The following NELL2 variants were observed in gnomAD, a reference collection of about 807,000 sequenced individuals.
The protein encoded by NELL2 is neural EGFL like 2, also known as protein kinase C-binding protein NELL2.
Under a neutral mutation model 109.6 loss-of-function variants are expected in NELL2, and 41 were observed. The observed-to-expected ratio is 0.37, with a 90% CI of 0.29 to 0.49. The LOEUF (loss-of-function observed/expected upper bound fraction) is 0.49. NELL2 is among the 20% of genes least tolerant of loss of function. The probability of loss-of-function intolerance (pLI) is 0.98; values close to 1 mark genes in which losing one functional copy is unlikely to be tolerated. For missense variants in NELL2, 900 were observed against 1,008.3 expected (o/e 0.89, Z 1.45); for synonymous variants, 355 against 344.7 (o/e 1.03, Z -0.33).
chr12:44,779,874 A>C lies in NELL2; in HGVS notation c.484T>G (p.Leu162Val). 1.9e-6 allele frequency: 3 copies of C among 1,613,906 alleles called. No homozygotes were observed. Among genetic ancestry groups the C allele is most frequent in the Non-Finnish European group, 2.5e-6 (3 of 1,179,808 alleles). ...KLSLAISASH[L>V]ILHIDCNKIY... ...TTATTGCAGTCAATGTGTAAAATCA[A>C]ATGGGAAGCACTGATGGCTAAGGAG... The change falls in exon 4 of 20, where the codon TTG (leucine) becomes GTG (valine). Residue 162 changes from leucine (L) to valine (V), a missense_variant. Around this residue, in one of 4 missense-constraint regions of NELL2, gnomAD observed 200 missense variants for 191.8 expected, o/e 1.04. Coordinates refer to ENST00000429094, the MANE Select transcript of NELL2 (RefSeq NM_001145108.2).
chr12:44,824,832 T>C (rs1943657977), intron 2 of NELL2, among the ~76,000 whole-genome samples: 1 of 150,984 alleles, frequency 6.6e-6, no homozygotes, highest in African/African-American at 2.4e-5. Context: ...TGCCTCAGCC[T>C]CCCAAGTAGC....
At chr12:44,635,150 T>G (rs1486090686) in intron 13 of NELL2, among the ~76,000 whole-genome samples, 1 of 152,162 alleles carries the variant, frequency 6.6e-6, no homozygotes, top group African/African-American at 2.4e-5. Flanking sequence ...TCTTGAAAAT[T>G]TGTTTAAGTT....
rs1278628957 is a variant in NELL2, at chr12:44,531,973, G to T, written c.1804+608C>A. Reference sequence around the variant, plus strand: ...ATAGAGGCTACAGAGGAGCAGATTTGTCAGTCTGTTGAAAATAATTCAAAA... The same window carrying T: ...ATAGAGGCTACAGAGGAGCAGATTTTTCAGTCTGTTGAAAATAATTCAAAA... On this transcript the variant is annotated intron_variant, in intron 16 of 19. Coordinates refer to ENST00000429094, the MANE Select transcript of NELL2 (RefSeq NM_001145108.2). 3.3e-5 allele frequency among the ~76,000 whole-genome samples: 5 copies of T among 152,146 alleles called. No individual in the cohort carries two copies. In the East Asian group the frequency reaches 7.7e-4, roughly 23 times the overall value.
intron 3 of NELL2, among the ~76,000 whole-genome samples, chr12:44,808,825 C>G (rs1262551021): frequency 6.6e-6 from 1 of 151,906 alleles, no homozygotes; most frequent in East Asian, 1.9e-4. Flanking sequence ...TACATAAATA[C>G]ATTTTTACTC....
chr12:44,836,341 G>C (rs898076131), intron 2 of NELL2, among the ~76,000 whole-genome samples: 1 of 152,172 alleles, frequency 6.6e-6, no homozygotes, highest in African/African-American at 2.4e-5. Context: ...ACTGGGAATT[G>C]TTGGCACACA....
upstream of NELL2, among the ~76,000 whole-genome samples, chr12:44,915,470 C>T (rs1945821990): frequency 2.0e-5 from 3 of 152,220 alleles, no homozygotes; most frequent in South Asian, 6.2e-4. Flanking sequence ...AGATCTTAGA[C>T]AACCATGAAA....
At chr12:44,680,926 C>T (rs1948475056) in intron 12 of NELL2, among the ~76,000 whole-genome samples, 1 of 151,980 alleles carries the variant, frequency 6.6e-6, no homozygotes, top group Admixed American at 6.6e-5. Context: ...ATTGTTTTTC[C>T]CACAGCATCA....
intron 13 of NELL2, among the ~76,000 whole-genome samples, chr12:44,634,697 A>ATTTCTC (rs1324121798): frequency 2.0e-5 from 3 of 152,160 alleles, no homozygotes; most frequent in Admixed American, 6.5e-5. Context: ...CAGTAATGGG[A>ATTTCTC]TTTCTCAGTC....
At chr12:44,912,728 T>A (rs982074468) in intron 1 of NELL2, among the ~76,000 whole-genome samples, 1 of 152,134 alleles carries the variant, frequency 6.6e-6, no homozygotes, top group Non-Finnish European at 1.5e-5. Context: ...ATTCGAATTG[T>A]TTATGTGAAT....
intron 16 of NELL2, among the ~76,000 whole-genome samples, chr12:44,524,651 C>T (rs1022035530): frequency 1.3e-5 from 2 of 152,050 alleles, no homozygotes; most frequent in African/African-American, 4.8e-5. Flanking sequence ...TATATGTATT[C>T]CTGAAAGTAA....
intron 13 of NELL2, among the ~76,000 whole-genome samples, chr12:44,622,220 T>C (rs1355254212): frequency 3.3e-5 from 5 of 152,028 alleles, no homozygotes; most frequent in East Asian, 3.9e-4. Context: ...TGAGATTTAA[T>C]ATTTAGAAAA....
At chr12:44,521,431 G>A (rs956748258) in intron 18 of NELL2, among the ~76,000 whole-genome samples, 1 of 150,952 alleles carries the variant, frequency 6.6e-6, no homozygotes, top group African/African-American at 2.4e-5. Context: ...TTGGGAGGCT[G>A]AGGCAGGAGA....
chr12:44,588,847 G>C (rs878944162), intron 15 of NELL2, among the ~76,000 whole-genome samples: 1 of 152,078 alleles, frequency 6.6e-6, no homozygotes, highest in African/African-American at 2.4e-5. Context: ...TATCCATTAT[G>C]CAATAATTCC....
chr12:44,542,148 T>C (rs1942601165), intron 15 of NELL2, among the ~76,000 whole-genome samples: 1 of 152,206 alleles, frequency 6.6e-6, no homozygotes, highest in Non-Finnish European at 1.5e-5. Context: ...TATAGCGCAG[T>C]AAAATAAAGG....
At position 44,741,857 on chromosome 12, in the gene NELL2, T is replaced by A. The variant is rs568822168; in HGVS notation, c.995-27116A>T. On this transcript the variant is annotated intron_variant, in intron 9 of 19. Coordinates refer to ENST00000429094, the MANE Select transcript of NELL2 (RefSeq NM_001145108.2). ...CCACCACAGCTCAAGGAGGCCAGTC[T>A]GCCTCTGTAGGCTCCACCTCTGTGG... Among the ~76,000 whole-genome samples the A allele has an allele frequency of 2.6e-5, 4 of 152,364 alleles. No homozygotes were observed. The South Asian group carries it at 8.3e-4, about 32-fold the overall frequency.
intron 1 of NELL2, among the ~76,000 whole-genome samples, chr12:44,897,710 A>G (rs979932725): frequency 6.6e-6 from 1 of 152,024 alleles, no homozygotes; most frequent in Non-Finnish European, 1.5e-5. Context: ...GCAGACACTG[A>G]GCTAGCTGCA....
At chr12:44,803,147 G>C (rs931870662) in intron 3 of NELL2, among the ~76,000 whole-genome samples, 21 of 152,114 alleles carry the variant, frequency 1.4e-4, no homozygotes, top group African/African-American at 5.1e-4. Context: ...GACAGACCCA[G>C]GGTGAGGCCC....
At chr12:44,512,002 AG>A (rs1941021367) in intron 19 of NELL2, among the ~76,000 whole-genome samples, 1 of 152,194 alleles carries the variant, frequency 6.6e-6, no homozygotes, top group African/African-American at 2.4e-5. Context: ...CAAACTAAAA[AG>A]CTTCTGCACA....
chr12:44,601,925 C>T (rs1945237322), intron 15 of NELL2, among the ~76,000 whole-genome samples: 1 of 152,060 alleles, frequency 6.6e-6, no homozygotes, highest in African/African-American at 2.4e-5. Context: ...TGTTCTTGAC[C>T]ACTATGTTAA....
Sources: gnomAD v4.1 joint callset for allele counts (sites outside exome capture counted in the v4.1 genomes callset) on GRCh38, gnomAD v4.1.1 for gene constraint, gnomAD v4.1.1 regional missense constraint, MANE v1.5 for transcripts, NCBI Gene and HGNC (gene_info 2026-07-23, HGNC 2026-07-21) for gene names.